SFMBT1: variants seen among roughly 807,000 people sequenced by gnomAD.
SFMBT1 encodes Scm like with four mbt domains 1, also known as scm-like with four MBT domains protein 1.
In SFMBT1, 32 loss-of-function variants were observed where a neutral mutation model predicts 108.7. The ratio of observed to expected loss-of-function variants is 0.29; its 90% confidence interval spans 0.22 to 0.40. SFMBT1 has a LOEUF of 0.40. Among genes scored for constraint, SFMBT1 ranks in the 10% least tolerant of loss-of-function variants. The pLI is 1.00. For synonymous variants in SFMBT1, 348 were observed against 369.5 expected, an observed-to-expected ratio of 0.94 and a Z score of 0.67; for missense variants, 816 against 1,059.6, an observed-to-expected ratio of 0.77 and a Z score of 3.19.
intron 17 of SFMBT1, among the ~76,000 whole-genome samples, 168 bp downstream of exon 17, chr3:52,910,835 T>C (rs959671378): frequency 2.0e-5 from 3 of 152,206 alleles, no homozygotes; most frequent in Non-Finnish European, 4.4e-5. Flanking sequence ...AAAAAGAATA[T>C]GTGACAGAAA....
chr3:52,912,626 C>T lies in SFMBT1; in HGVS notation c.1642G>A (p.Ala548Thr). The T allele has an allele frequency of 6.2e-7, 1 of 1,613,896 alleles. No individual in the cohort carries two copies. The change falls in exon 16 of 21, where the codon GCA becomes ACA. Residue 548 changes from alanine (A) to threonine (T), a missense_variant. Physicochemically the swap from Ala to Thr is moderately conservative, Grantham distance 58. Coordinates refer to ENST00000394752, the MANE Select transcript of SFMBT1 (RefSeq NM_016329.4). The part of the protein sequence containing the change: ...LREVLTLLIN[A>T]AYKPSRVLRE... ...AGGACACGGCTGGGTTTGTAGGCTG[C>T]ATTGATAAGTAAAGTGAGGACCTGA...
intron 3 of SFMBT1, among the ~76,000 whole-genome samples, chr3:52,948,990 C>T (rs772365510): frequency 6.6e-6 from 1 of 151,768 alleles, no homozygotes; most frequent in South Asian, 2.1e-4. Flanking sequence ...ACATTTAATC[C>T]TAGACATTTT....
chr3:52,942,768 G>T (rs112908490), intron 4 of SFMBT1, among the ~76,000 whole-genome samples: 9 of 152,336 alleles, frequency 5.9e-5, no homozygotes, highest in African/African-American at 2.2e-4. Flanking sequence ...AGCCGCCTCA[G>T]CCTCCCAAAG....
In SFMBT1 at chr3:52,916,645, G is replaced by A. The variant is rs12637566; in HGVS notation, c.1416-431C>T. 6.0e-3 allele frequency among the ~76,000 whole-genome samples: 913 copies of A among 151,564 alleles called. 79 individuals carry two copies. In the South Asian group the frequency reaches 0.17, roughly 28 times the overall value. On this transcript the variant is annotated intron_variant, in intron 13 of 20. Transcript: ENST00000394752. ...GATCGTGCCACTGCACTCCAGCCTA[G>A]GCAACAAAGCAGGACTCTGTGTCAA...
intron 1 of SFMBT1, among the ~76,000 whole-genome samples, chr3:53,037,438 T>C (rs1201814439): frequency 6.6e-6 from 1 of 152,216 alleles, no homozygotes; most frequent in Non-Finnish European, 1.5e-5. Flanking sequence ...TATGGTGTTA[T>C]TCATATTAAC....
intron 4 of SFMBT1, among the ~76,000 whole-genome samples, chr3:52,936,893 CTTTT>C (rs5848969): frequency 2.6e-5 from 3 of 114,988 alleles, no homozygotes; most frequent in Non-Finnish European, 3.7e-5. Flanking sequence ...TTACACATTT[CTTTT>C]TTTTTTTTTT....
At chr3:53,013,431 A>G (rs1054168658) in intron 1 of SFMBT1, among the ~76,000 whole-genome samples, 3 of 151,360 alleles carry the variant, frequency 2.0e-5, no homozygotes, top group African/African-American at 7.4e-5. Flanking sequence ...ACCAGAGGTG[A>G]GTTTCTGCTA....
intron 2 of SFMBT1, among the ~76,000 whole-genome samples, chr3:52,964,215 T>C (rs1049177572): frequency 2.6e-5 from 4 of 152,200 alleles, no homozygotes; most frequent in Non-Finnish European, 5.9e-5. Context: ...TTTCAAAAGA[T>C]GTGTATTTTC....
chr3:53,033,807 C>T (rs1559557310), intron 1 of SFMBT1, among the ~76,000 whole-genome samples: 1 of 151,120 alleles, frequency 6.6e-6, no homozygotes, highest in Admixed American at 6.6e-5. Flanking sequence ...CAGTGGCTCA[C>T]GCCTGTAATC....
chr3:52,922,598 G>C (rs1465475849), intron 10 of SFMBT1, among the ~76,000 whole-genome samples: 1 of 152,194 alleles, frequency 6.6e-6, no homozygotes, highest in African/African-American at 2.4e-5. Flanking sequence ...AGAAAGCTAA[G>C]AACTGGAAGA....
intron 12 of SFMBT1, 38 bp from the exon 13 acceptor site, chr3:52,918,564 TAA>T: frequency 4.3e-6 from 6 of 1,385,980 alleles, no homozygotes; most frequent in Non-Finnish European, 5.9e-6. Flanking sequence ...CCAAGAAAAA[TAA>T]AAAGACAAAG....
intron 1 of SFMBT1, among the ~76,000 whole-genome samples, chr3:52,977,618 C>T (rs1248466876): frequency 6.6e-6 from 1 of 152,112 alleles, no homozygotes; most frequent in Non-Finnish European, 1.5e-5. Flanking sequence ...GCTTAGTAAG[C>T]ATAAAGTTCA....
intron 1 of SFMBT1, among the ~76,000 whole-genome samples, chr3:53,032,781 C>G (rs886522399): frequency 1.3e-5 from 2 of 152,122 alleles, no homozygotes; most frequent in Admixed American, 6.6e-5. Flanking sequence ...ATGAGAAACA[C>G]TGAACAAACA....
intron 1 of SFMBT1, among the ~76,000 whole-genome samples, chr3:53,020,504 T>C (rs989694201): frequency 9.2e-5 from 14 of 152,240 alleles, no homozygotes; most frequent in African/African-American, 3.4e-4. Context: ...CAGTCAGATT[T>C]CCTGCTAGCA....
intron 1 of SFMBT1, among the ~76,000 whole-genome samples, chr3:52,997,602 G>C (rs1698384936): frequency 6.7e-6 from 1 of 150,144 alleles, no homozygotes; most frequent in South Asian, 2.1e-4. Context: ...CAATAACAAG[G>C]ATAAATCTCA....
intron 1 of SFMBT1, among the ~76,000 whole-genome samples, chr3:53,026,561 T>C (rs1699498549): frequency 6.6e-6 from 1 of 151,966 alleles, no homozygotes; most frequent in East Asian, 1.9e-4. Flanking sequence ...CCAAGCTGCA[T>C]GTTCATGGCC....
intron 4 of SFMBT1, among the ~76,000 whole-genome samples, chr3:52,939,827 T>A (rs1226004734): frequency 7.2e-5 from 11 of 152,104 alleles, no homozygotes; most frequent in Admixed American, 7.2e-4. Flanking sequence ...TCATTTTAAC[T>A]AAGTCTTCAT....
At position 52,928,325 on chromosome 3, in the gene SFMBT1, T is replaced by C; in HGVS notation, c.914A>G (p.Tyr305Cys). The C allele has an allele frequency of 3.1e-6, 5 of 1,613,892 alleles. No homozygotes were observed. The highest frequency in any genetic ancestry group is 4.2e-6 in the Non-Finnish European group (5 of 1,180,010). Residue 305 changes from tyrosine to cysteine, a missense_variant, in exon 9 of 21, where the codon TAC (tyrosine) becomes TGC (cysteine). Tyr to Cys is a radical substitution (Grantham distance 194). Around this residue, in one of 5 missense-constraint regions of SFMBT1, gnomAD observed 495 missense variants for 607.4 expected, o/e 0.81. Coordinates refer to ENST00000394752, the MANE Select transcript of SFMBT1 (RefSeq NM_016329.4). ...ATVVKVFDEK[Y>C]FLVEMDDLRP... ...CAAGTCATCCATTTCCACCAGAAAG[T>C]ACTTCTCATCAAAAACCTATACATG... is the stretch of plus-strand genomic sequence containing the variant.
At chr3:53,042,305 G>A (rs1485733857) in intron 1 of SFMBT1, among the ~76,000 whole-genome samples, 2 of 152,190 alleles carry the variant, frequency 1.3e-5, no homozygotes, top group African/African-American at 4.8e-5. Flanking sequence ...GTATACTACA[G>A]AAGCAGGAAG....
Sources: gnomAD v4.1 joint callset for allele counts (sites outside exome capture counted in the v4.1 genomes callset) on GRCh38, gnomAD v4.1.1 for gene constraint, gnomAD v4.1.1 regional missense constraint, MANE v1.5 for transcripts, NCBI Gene and HGNC (gene_info 2026-07-23, HGNC 2026-07-21) for gene names.